Variants in BEST4 observed in about 807,000 individuals in gnomAD.
The protein encoded by BEST4 is bestrophin 4.
A neutral mutation model predicts 47.1 loss-of-function variants in BEST4; 36 were observed. That is an observed-to-expected ratio of 0.76 (90% CI 0.59 to 1.01). The LOEUF is 1.01. BEST4 is among the 50% of genes least tolerant of loss of function. The pLI is 0.00. For missense variants in BEST4, 550 were observed against 648.6 expected (o/e 0.85, Z 1.65); for synonymous variants, 250 against 277.8 (o/e 0.90, Z 1.00).
At chr1:44,785,862 C>G (rs984772923) in intron 4 of BEST4, among the ~76,000 whole-genome samples, 186 bp from the exon 5 acceptor site, 11 of 152,208 alleles carry the variant, frequency 7.2e-5, no homozygotes, top group African/African-American at 2.7e-4. Flanking sequence ...TTCTTTTCTA[C>G]TCTGTGCCTC....
downstream of BEST4, chr1:44,783,540 CAAGT>C (rs1172169082): frequency 6.6e-6 from 1 of 152,148 alleles, no homozygotes; most frequent in Non-Finnish European, 1.5e-5. Flanking sequence ...TATAACTGCA[CAAGT>C]AATAAATATA....
At chr1:44,782,316 G>A (rs185409085), downstream of BEST4, among the ~76,000 whole-genome samples, 6 of 151,724 alleles carry the variant, frequency 4.0e-5, no homozygotes, top group Non-Finnish European at 8.8e-5. Flanking sequence ...TTATAGATTT[G>A]GAAACTGAGG....
chr1:44,790,511 T>C (rs1298937097), upstream of BEST4, among the ~76,000 whole-genome samples: 2 of 152,214 alleles, frequency 1.3e-5, no homozygotes, highest in Non-Finnish European at 2.9e-5. Flanking sequence ...CAAAACCCTC[T>C]GGGTTTTCTC....
chr1:44,789,467 G>A (rs1651354205), upstream of BEST4, among the ~76,000 whole-genome samples: 1 of 150,974 alleles, frequency 6.6e-6, no homozygotes, highest in Non-Finnish European at 1.5e-5. Context: ...GGGAGGCCGA[G>A]GCAGGCGGAT....
Position 44,787,403 on chromosome 1 carries a change from T to A in BEST4, c.216A>T (p.Ser72=). 2 of 1,614,182 alleles carry A rather than the reference T, an allele frequency of 1.2e-6. No individual in the cohort carries two copies. The highest frequency in any genetic ancestry group is 2.2e-5 in the South Asian group (2 of 91,088). The change falls in exon 2 of 9, where the codon TCA becomes TCT. Residue 72 remains serine, a synonymous_variant. Transcript: ENST00000372207. ...CAAAGGACAAGGGAATGAGGTCTGC[T>A]GAGCGGTTGCAGTACCGGGCCACCT... ...YAQVARYCNR[S]ADLIPLSFVL... is the part of the protein sequence containing the mutation.
chr1:44,784,521 C>A lies in BEST4; in HGVS notation c.1149-38G>T, dbSNP rs1461199187. 1 of 1,494,766 alleles carries A rather than the reference C, an allele frequency of 6.7e-7. No homozygotes were observed. The highest frequency in any genetic ancestry group is 8.9e-7 in the Non-Finnish European group (1 of 1,124,002). 92.6% of individuals were successfully genotyped at this position (1,494,766 alleles called of 1,614,324 possible). A position where few individuals can be genotyped will look rare whatever the true frequency, so the allele number is the denominator to read the frequency against. ...GGGCGGGCTGAGCCGGGGCACAGGG[C>A]GGGAGCGGGGACGCGGGATCGGCTC... On this transcript the variant is annotated intron_variant, in intron 8 of 8. Transcript: ENST00000372207. This position sits in a 1 kb window ranked among gnomAD's most constrained non-coding sequence, Gnocchi z 6.2.
Position 44,786,596 on chromosome 1 carries a change from GC to G in BEST4, c.347del (p.Gly116AlafsTer59), listed in dbSNP as rs1651247734. ...GCAGCAGGCGGCCCCGCTGGTCCAC[GC>G]CGTGCACGCTAGCCGAGATGACGCA... ...LMCVISASVH[G>X]VDQRGRLLRR... On this transcript the variant is annotated frameshift_variant, in exon 3 of 9. Transcript: ENST00000372207. LOFTEE classifies it high-confidence loss of function. This position sits in a 1 kb window ranked among gnomAD's most constrained non-coding sequence, Gnocchi z 4.9. 1 of 1,550,792 alleles carries G rather than the reference GC, an allele frequency of 6.4e-7. No individual in the cohort carries two copies. Among genetic ancestry groups the G allele is most frequent in the Non-Finnish European group, 8.7e-7 (1 of 1,147,016 alleles).
upstream of BEST4, among the ~76,000 whole-genome samples, chr1:44,792,415 A>G (rs1243713370): frequency 1.4e-5 from 2 of 145,110 alleles, no homozygotes; most frequent in Non-Finnish European, 3.0e-5. Context: ...CAACAGAGCA[A>G]GACTCCATCT....
upstream of BEST4, among the ~76,000 whole-genome samples, chr1:44,792,216 C>T (rs1651430643): frequency 6.6e-6 from 1 of 151,752 alleles, no homozygotes; most frequent in African/African-American, 2.4e-5. Context: ...CACTTGAGGT[C>T]AGGAGTTCGA....
In BEST4 at chr1:44,787,956, T is replaced by C. The variant is rs6429548; in HGVS notation, c.-251A>G. Among the ~76,000 whole-genome samples, 65,579 of 152,014 alleles carry C rather than the reference T, an allele frequency of 0.43. 14,814 individuals are homozygous for C. The highest frequency in any genetic ancestry group is 0.57 in the African/African-American group (23,445 of 41,454). ...GATCTGTGTCCCTTCATGCATGAGG[T>C]TTCCTCAAGCTCCTCTTCAGCCTGC... On this transcript the variant is annotated 5_prime_UTR_variant, in exon 1 of 9. Transcript: ENST00000372207.
chr1:44,782,133 A>G (rs1651056872), downstream of BEST4, among the ~76,000 whole-genome samples: 1 of 151,166 alleles, frequency 6.6e-6, no homozygotes, highest in African/African-American at 2.4e-5. Context: ...CCATAAAACC[A>G]GTGGGTTCTT....
In BEST4 at chr1:44,785,301, A is replaced by G; in HGVS notation, c.719T>C (p.Val240Ala). The G allele has an allele frequency of 6.3e-7, 1 of 1,591,724 alleles. No individual in the cohort carries two copies. Among genetic ancestry groups the G allele is most frequent in the Non-Finnish European group, 8.6e-7 (1 of 1,168,124 alleles). Residue 240 changes from valine to alanine, a missense_variant, in exon 6 of 9, where the codon GTG (valine) becomes GCG (alanine). Physicochemically the swap from Val to Ala is moderately conservative, Grantham distance 64. This residue lies in a region of BEST4 where 291 missense variants were observed against 342.4 expected (regional missense o/e 0.85). Transcript: ENST00000372207. ...AAAGAAAGAGTAGACGGCTATGGTC[A>G]CCACCTGGAGAATGAAGAGCCAGGC... ...ISIPLVYTQVVTIAVYSFFAL... is the reference protein window; with the variant it reads ...ISIPLVYTQVATIAVYSFFAL...
chr1:44,785,484 C>A, intron 5 of BEST4, 115 bp downstream of exon 5: 1 of 1,234,160 alleles, frequency 8.1e-7, no homozygotes, highest in Middle Eastern at 2.0e-4. Context: ...AGGATGAACC[C>A]GGTGCCTCAG....
chr1:44,782,325 G>A (rs541790566), downstream of BEST4, among the ~76,000 whole-genome samples: 10 of 151,916 alleles, frequency 6.6e-5, no homozygotes, highest in African/African-American at 2.4e-4. Flanking sequence ...TGGAAACTGA[G>A]GCTTAGAAAT....
Position 44,784,045 on chromosome 1 carries a change from G to T in BEST4, c.*165C>A. On this transcript the variant is annotated 3_prime_UTR_variant, in exon 9 of 9. Transcript: ENST00000372207. This position sits in a 1 kb window ranked among gnomAD's most constrained non-coding sequence, Gnocchi z 6.2. ...CCAAAGTGGACACATTCCCAGCCCT[G>T]GCTCAGGCCCTTTTCGCCATCTTCT... 1.5e-6 allele frequency: 1 copy of T among 670,748 alleles called. No individual in the cohort carries two copies. Among genetic ancestry groups the T allele is most frequent in the Admixed American group, 4.3e-5 (1 of 23,344 alleles). 41.5% of individuals were successfully genotyped at this position (670,748 alleles called of 1,614,324 possible). A position where few individuals can be genotyped will look rare whatever the true frequency, so the allele number is the denominator to read the frequency against.
In BEST4 at chr1:44,784,133, G is replaced by C. The variant is rs143236734; in HGVS notation, c.*77C>G. On this transcript the variant is annotated 3_prime_UTR_variant, in exon 9 of 9. Coordinates refer to ENST00000372207, the MANE Select transcript of BEST4 (RefSeq NM_153274.3). The surrounding 1 kb of genome is among the most constrained non-coding windows in gnomAD (Gnocchi z 6.2). ...GCACACAGGAAAAGCTGCTCTAATA[G>C]AGCTGGCTGGCAGGACCGGGCACGG... The C allele has an allele frequency of 9.8e-4, 1,279 of 1,309,436 alleles. 16 individuals are homozygous for C. In the African/African-American group the frequency reaches 0.018, roughly 18 times the overall value. 81.1% of individuals were successfully genotyped at this position (1,309,436 alleles called of 1,614,324 possible).
rs1467467509 is a variant in BEST4 at position 44,786,528 on chromosome 1, A to G, written c.416T>C (p.Val139Ala). The G allele has an allele frequency of 6.5e-6, 10 of 1,550,130 alleles. 1 individual carries two copies. The South Asian group carries it at 1.1e-4, about 17-fold the overall frequency. ...CACGCGGGTGCTGACCGAGCGCAGC[A>G]CCAGCACGGACGCCAGGTTCGCGTA... is the stretch of plus-strand genomic sequence containing the variant. ...IRYANLASVLVLRSVSTRVLK... is the reference protein window; with the variant it reads ...IRYANLASVLALRSVSTRVLK... The change falls in exon 3 of 9, where the codon GTG (valine) becomes GCG (alanine). Residue 139 changes from valine (V) to alanine (A), a missense_variant. Physicochemically the swap from Val to Ala is moderately conservative, Grantham distance 64 (BLOSUM62 0). Transcript: ENST00000372207. The surrounding 1 kb of genome is among the most constrained non-coding windows in gnomAD (Gnocchi z 4.9).
In BEST4 at chr1:44,785,162, C is replaced by T. The variant is rs1288464745; in HGVS notation, c.858G>A (p.Met286Ile). The T allele has an allele frequency of 6.2e-7, 1 of 1,614,070 alleles. No individual in the cohort carries two copies. ...EPAPALGDPD[M>I]YVPLTTLLQF... ...GCAGCAGAGTGGTGAGAGGCACGTACATGTCCGGGTCTCCCAGGGCTGGGG... is the reference window on the plus strand; with the variant it reads ...GCAGCAGAGTGGTGAGAGGCACGTATATGTCCGGGTCTCCCAGGGCTGGGG... Residue 286 changes from methionine (M) to isoleucine (I), a missense_variant, in exon 6 of 9, where the codon ATG becomes ATA. Coordinates refer to ENST00000372207, the MANE Select transcript of BEST4 (RefSeq NM_153274.3).
Position 44,786,262 on chromosome 1 carries a change from C to T in BEST4, c.482-34G>A. On this transcript the variant is annotated intron_variant, in intron 3 of 8. Coordinates refer to ENST00000372207, the MANE Select transcript of BEST4 (RefSeq NM_153274.3). The surrounding 1 kb of genome is among the most constrained non-coding windows in gnomAD (Gnocchi z 4.9). ...GTAAAGCAGGTGGGGTGCAGTTGCACCCTCTGCCGCCAGGGGAGGCTGCTG... is the reference window on the plus strand; with the variant it reads ...GTAAAGCAGGTGGGGTGCAGTTGCATCCTCTGCCGCCAGGGGAGGCTGCTG... The T allele has an allele frequency of 6.4e-7, 1 of 1,571,174 alleles. No homozygotes were observed. Among genetic ancestry groups the T allele is most frequent in the South Asian group, 1.2e-5 (1 of 85,168 alleles).
Sources: gnomAD v4.1 joint callset for allele counts (sites outside exome capture counted in the v4.1 genomes callset) on GRCh38, gnomAD v4.1.1 for gene constraint, gnomAD v4.1.1 regional missense constraint, Gnocchi (gnomAD v3.1) non-coding constraint, MANE v1.5 for transcripts, NCBI Gene and HGNC (gene_info 2026-07-23, HGNC 2026-07-21) for gene names.